The following ZFAND3 variants were observed in gnomAD, a reference collection of about 807,000 sequenced individuals.
ZFAND3 encodes the protein zinc finger AN1-type containing 3.
A neutral mutation model predicts 29.6 loss-of-function variants in ZFAND3; 10 were observed. The observed-to-expected ratio is 0.34, with a 90% CI of 0.21 to 0.57. ZFAND3 has a LOEUF of 0.57. Ranked by LOEUF, ZFAND3 falls within the 20% of genes least tolerant of loss-of-function variation. The pLI, the probability that ZFAND3 is intolerant of heterozygous loss-of-function variation, is 0.86. For missense variants in ZFAND3, 230 were observed against 304.5 expected, an observed-to-expected ratio of 0.76 and a Z score of 1.82; for synonymous variants, 128 against 112.6, an observed-to-expected ratio of 1.14 and a Z score of -0.87.
chr6:37,924,763 G>A (rs1339885802), intron 1 of ZFAND3, among the ~76,000 whole-genome samples: 1 of 151,894 alleles, frequency 6.6e-6, no homozygotes, highest in Non-Finnish European at 1.5e-5. Context: ...CAAGGCTGCA[G>A]TGAGCTATGA....
At chr6:37,954,877 C>T (rs1449321430) in intron 2 of ZFAND3, among the ~76,000 whole-genome samples, 1 of 152,156 alleles carries the variant, frequency 6.6e-6, no homozygotes, top group Non-Finnish European at 1.5e-5. Context: ...CAACAGTGTC[C>T]CATGAATTGA....
At chr6:37,887,732 G>T (rs1226291594) in intron 1 of ZFAND3, among the ~76,000 whole-genome samples, 1 of 152,230 alleles carries the variant, frequency 6.6e-6, no homozygotes, top group Non-Finnish European at 1.5e-5. Flanking sequence ...GCCAACAAGA[G>T]TTAATCTAAT....
intron 4 of ZFAND3, among the ~76,000 whole-genome samples, chr6:38,110,070 C>T (rs879221750): frequency 6.6e-6 from 1 of 152,128 alleles, no homozygotes; most frequent in African/African-American, 2.4e-5. Flanking sequence ...GAACAACTGA[C>T]TTTTTAAATG....
chr6:37,883,512 T>C (rs1453528122), intron 1 of ZFAND3, among the ~76,000 whole-genome samples: 1 of 146,390 alleles, frequency 6.8e-6, no homozygotes, highest in Non-Finnish European at 1.5e-5. Context: ...ATCTACCCCA[T>C]ATTTAAATGA....
At chr6:37,893,412 C>T (rs1164632916) in intron 1 of ZFAND3, among the ~76,000 whole-genome samples, 3 of 152,192 alleles carry the variant, frequency 2.0e-5, no homozygotes, top group African/African-American at 4.8e-5. Flanking sequence ...AACTATGAAT[C>T]GAGTGGAACT....
chr6:37,870,535 G>T (rs987315113), intron 1 of ZFAND3, among the ~76,000 whole-genome samples: 1 of 148,006 alleles, frequency 6.8e-6, no homozygotes, highest in African/African-American at 2.5e-5. Context: ...GGAGGTGGAG[G>T]TTGCAGTGAG....
intron 1 of ZFAND3, among the ~76,000 whole-genome samples, chr6:37,836,812 C>T (rs947616589): frequency 1.3e-5 from 2 of 152,110 alleles, no homozygotes; most frequent in African/African-American, 2.4e-5. Context: ...TCTTGAACTT[C>T]AACTTCTTAG....
chr6:37,923,618 T>C (rs1247736816), intron 1 of ZFAND3, among the ~76,000 whole-genome samples: 1 of 152,222 alleles, frequency 6.6e-6, no homozygotes, highest in Admixed American at 6.5e-5. Flanking sequence ...TTATCAAGTA[T>C]TATGTACTAT....
chr6:38,116,867 G>A, intron 5 of ZFAND3, 128 bp downstream of exon 5: 2 of 1,209,470 alleles, frequency 1.7e-6, no homozygotes, highest in Admixed American at 5.5e-5. Flanking sequence ...AGTAGTGCAT[G>A]CGATATAGGT....
intron 5 of ZFAND3, among the ~76,000 whole-genome samples, chr6:38,123,793 G>C (rs1308527634): frequency 6.6e-6 from 1 of 152,138 alleles, no homozygotes; most frequent in Admixed American, 6.5e-5. Flanking sequence ...TCTTCCTTCT[G>C]GTGGGTTCTT....
At chr6:38,028,398 G>A (rs1763487814) in intron 2 of ZFAND3, among the ~76,000 whole-genome samples, 1 of 151,632 alleles carries the variant, frequency 6.6e-6, no homozygotes, top group Non-Finnish European at 1.5e-5. Context: ...TTGTATTACA[G>A]TTTTTAGAAA....
At chr6:37,916,883 C>G (rs1000077332) in intron 1 of ZFAND3, among the ~76,000 whole-genome samples, 1 of 152,194 alleles carries the variant, frequency 6.6e-6, no homozygotes, top group Non-Finnish European at 1.5e-5. Context: ...GAATCATCCC[C>G]TTCTCCAGTA....
intron 1 of ZFAND3, among the ~76,000 whole-genome samples, chr6:37,835,657 C>T (rs1402195133): frequency 1.3e-5 from 2 of 152,094 alleles, no homozygotes; most frequent in African/African-American, 4.8e-5. Flanking sequence ...TAGTTTTAGT[C>T]CCTTACTGGG....
chr6:38,132,824 T>G (rs183890319), intron 5 of ZFAND3, among the ~76,000 whole-genome samples: 2 of 152,318 alleles, frequency 1.3e-5, no homozygotes, highest in African/African-American at 4.8e-5. Flanking sequence ...TCTACCCAGC[T>G]TAAACTGGCC....
rs1053609438 is a variant in ZFAND3, at chr6:38,152,472, G to T, written c.*83G>T. Reference sequence around the variant, plus strand: ...TAGGACAAAGTCAGCCAGACACCTTGTACTGGGCACGCGTCAGACTGCAGC... The same window carrying T: ...TAGGACAAAGTCAGCCAGACACCTTTTACTGGGCACGCGTCAGACTGCAGC... On this transcript the variant is annotated 3_prime_UTR_variant, in exon 6 of 6. Coordinates refer to ENST00000287218, the MANE Select transcript of ZFAND3 (RefSeq NM_021943.3). 2.8e-6 allele frequency: 4 copies of T among 1,452,686 alleles called. No individual in the cohort carries two copies. Among genetic ancestry groups the T allele is most frequent in the East Asian group, 2.5e-5 (1 of 39,712 alleles). The allele number at this position is 1,452,686 out of a possible 1,614,324, so 90.0% of individuals were successfully genotyped here.
chr6:38,081,742 C>T (rs1301920441), intron 3 of ZFAND3, among the ~76,000 whole-genome samples: 1 of 152,090 alleles, frequency 6.6e-6, no homozygotes, highest in Non-Finnish European at 1.5e-5. Flanking sequence ...CACCCAACAA[C>T]TATATCTCTT....
At chr6:37,998,785 G>T (rs1429921836) in intron 2 of ZFAND3, among the ~76,000 whole-genome samples, 3 of 152,172 alleles carry the variant, frequency 2.0e-5, no homozygotes, top group African/African-American at 7.2e-5. Flanking sequence ...AGAGTAAGGG[G>T]AAGAGGCTAG....
chr6:38,090,342 A>AT (rs977256478), intron 4 of ZFAND3, among the ~76,000 whole-genome samples: 1 of 152,302 alleles, frequency 6.6e-6, no homozygotes, highest in African/African-American at 2.4e-5. Flanking sequence ...TAAACCTTTC[A>AT]TTTTTTATTA....
intron 4 of ZFAND3, among the ~76,000 whole-genome samples, chr6:38,097,249 A>T (rs13437335): frequency 0.034 from 4,219 of 123,312 alleles, 149 homozygotes; most frequent in African/African-American, 0.097. Flanking sequence ...TTAATTTTTC[A>T]TTTTTTTTTT....
Sources: allele counts gnomAD v4.1 joint callset (sites outside exome capture counted in the v4.1 genomes callset), GRCh38; gene constraint gnomAD v4.1.1; transcripts MANE v1.5; gene names NCBI Gene and HGNC (gene_info 2026-07-23, HGNC 2026-07-21).